The following LTBP1 variants were observed in gnomAD, a reference collection of about 807,000 sequenced individuals.
LTBP1 encodes latent-transforming growth factor beta-binding protein 1.
A neutral mutation model predicts 207.6 loss-of-function variants in LTBP1; 129 were observed. The ratio of observed to expected loss-of-function variants is 0.62; its 90% CI spans 0.54 to 0.72. LTBP1 has a LOEUF of 0.72. LTBP1 is among the 30% of genes least tolerant of loss of function. LTBP1 has a pLI of 0.00. For synonymous variants in LTBP1, 963 were observed against 833.7 expected (o/e 1.16, Z -2.67); for missense variants, 2,281 against 2,217.2 (o/e 1.03, Z -0.58).
intron 32 of LTBP1, among the ~76,000 whole-genome samples, chr2:33,393,908 A>G (rs952824820): frequency 2.0e-5 from 3 of 152,148 alleles, no homozygotes; most frequent in African/African-American, 7.2e-5. Flanking sequence ...AGTCCCACCA[A>G]CAGTGTAAAA....
intron 31 of LTBP1, among the ~76,000 whole-genome samples, chr2:33,385,236 C>T (rs2095255700): frequency 6.6e-6 from 1 of 152,164 alleles, no homozygotes; most frequent in Admixed American, 6.5e-5. Flanking sequence ...GAGCTAGTTT[C>T]CCTCTACCTA....
intron 3 of LTBP1, among the ~76,000 whole-genome samples, chr2:33,025,781 A>G (rs1053764157): frequency 6.6e-6 from 1 of 152,206 alleles, no homozygotes; most frequent in African/African-American, 2.4e-5. Flanking sequence ...AGGTAATAAG[A>G]TTGGCTTGAG....
chr2:33,304,849 G>A (rs1406376725), intron 22 of LTBP1, among the ~76,000 whole-genome samples: 1 of 152,178 alleles, frequency 6.6e-6, no homozygotes, highest in African/African-American at 2.4e-5. Context: ...GGAAAGGTGG[G>A]ATAGTATTTC....
chr2:33,054,044 C>G (rs1435597190), intron 3 of LTBP1, among the ~76,000 whole-genome samples: 1 of 152,188 alleles, frequency 6.6e-6, no homozygotes, highest in Admixed American at 6.5e-5. Context: ...CAAAGAGGAA[C>G]TGGGAGTCAG....
At chr2:32,958,254 C>T (rs192762288) in intron 2 of LTBP1, among the ~76,000 whole-genome samples, 620 of 152,250 alleles carry the variant, frequency 4.1e-3, no homozygotes, top group Non-Finnish European at 6.4e-3. Context: ...GGGCTTGCTA[C>T]GGGGCTGCAT....
In LTBP1 at chr2:32,971,098, G is replaced by A. The variant is rs1680805550; in HGVS notation, c.565+22153G>A. 2.0e-5 allele frequency among the ~76,000 whole-genome samples: 3 copies of A among 151,436 alleles called. No homozygotes were observed. In the South Asian group the frequency reaches 6.3e-4, roughly 32 times the overall value. ...TCTTGATGTGGCGCTCAGCTTGGAT[G>A]TTGTTGGTGTATAGAAATGCTTCTG... On this transcript the variant is annotated intron_variant, in intron 2 of 33. Transcript: ENST00000404816.
chr2:33,160,858 G>C (rs2084402587), intron 5 of LTBP1, among the ~76,000 whole-genome samples: 1 of 152,164 alleles, frequency 6.6e-6, no homozygotes, highest in Non-Finnish European at 1.5e-5. Flanking sequence ...AACTATGATA[G>C]GTTAATAATT....
intron 3 of LTBP1, among the ~76,000 whole-genome samples, chr2:33,070,603 C>G (rs983191297): frequency 6.6e-6 from 1 of 152,236 alleles, no homozygotes. Flanking sequence ...CCCAGAAGCC[C>G]AAGGGCCACA....
Position 33,265,426 on chromosome 2 carries a change from A to G in LTBP1, c.2617+2034A>G, listed in dbSNP as rs1191474849. The stretch of plus-strand genomic sequence containing the variant: ...GGTTACCTATCACAGACAATGTATA[A>G]TACAGAATAAATAGAAATAACTGTA... On this transcript the variant is annotated intron_variant, in intron 15 of 33. Transcript: ENST00000404816. Among the ~76,000 whole-genome samples, 6 of 152,372 alleles carry G rather than the reference A, an allele frequency of 3.9e-5. No homozygotes were observed. In the East Asian group the frequency reaches 1.2e-3, roughly 29 times the overall value.
intron 3 of LTBP1, among the ~76,000 whole-genome samples, chr2:33,092,148 C>T (rs1257093686): frequency 6.6e-6 from 1 of 152,182 alleles, no homozygotes; most frequent in Non-Finnish European, 1.5e-5. Flanking sequence ...CTGCCAAAAA[C>T]ACACCTTGTG....
At chr2:33,288,644 A>C (rs543336148) in intron 19 of LTBP1, among the ~76,000 whole-genome samples, 1 of 152,150 alleles carries the variant, frequency 6.6e-6, no homozygotes, top group South Asian at 2.1e-4. Context: ...TCACAAGGTC[A>C]GGAGATCGAG....
At chr2:33,358,809 AT>A (rs1205507219) in intron 26 of LTBP1, among the ~76,000 whole-genome samples, 1 of 152,162 alleles carries the variant, frequency 6.6e-6, no homozygotes, top group Middle Eastern at 3.2e-3. Context: ...AGATTCTAAA[AT>A]TTTCTATAGG....
intron 3 of LTBP1, chr2:33,056,488 T>C (rs2077005726): frequency 1.8e-5 from 13 of 709,188 alleles, no homozygotes; most frequent in South Asian, 4.7e-5. Flanking sequence ...TGAGGGATGA[T>C]GCGCGTCTTC....
chr2:33,262,148 C>T (rs1373345594), intron 13 of LTBP1, among the ~76,000 whole-genome samples: 3 of 152,226 alleles, frequency 2.0e-5, no homozygotes, highest in African/African-American at 7.2e-5. Flanking sequence ...CAAGCCAGCA[C>T]ATTTCTGTTG....
intron 2 of LTBP1, among the ~76,000 whole-genome samples, chr2:32,994,695 G>A (rs1684980079): frequency 6.6e-6 from 1 of 152,036 alleles, no homozygotes; most frequent in South Asian, 2.1e-4. Flanking sequence ...TCGAACTCCT[G>A]ACCTCAGATG....
At chr2:33,212,223 C>G (rs2090363120) in intron 7 of LTBP1, among the ~76,000 whole-genome samples, 1 of 152,132 alleles carries the variant, frequency 6.6e-6, no homozygotes, top group Non-Finnish European at 1.5e-5. Flanking sequence ...ACTCAGTGTT[C>G]CAGGAATCAT....
chr2:32,979,300 A>T (rs1682386179), intron 2 of LTBP1, among the ~76,000 whole-genome samples: 1 of 151,558 alleles, frequency 6.6e-6, no homozygotes, highest in Non-Finnish European at 1.5e-5. Context: ...TTGTTTATTT[A>T]AAGTTTTTCT....
In LTBP1 at chr2:33,020,950, C is replaced by T. The variant is rs377502460; in HGVS notation, c.607C>T (p.Arg203Trp). 7.0e-5 allele frequency: 112 copies of T among 1,601,704 alleles called. No homozygotes were observed. The highest frequency in any genetic ancestry group is 4.5e-4 in the East Asian group (20 of 44,540). The change falls in exon 3 of 34, where the codon CGG becomes TGG. Residue 203 changes from arginine to tryptophan, a missense_variant. Transcript: ENST00000404816. ...PPCQNGGMCLRPQLCVCKPGT... is the reference protein window; with the variant it reads ...PPCQNGGMCLWPQLCVCKPGT... The stretch of plus-strand genomic sequence containing the variant: ...ATGTCAGAATGGAGGGATGTGTCTC[C>T]GGCCACAACTCTGTGTGTGTAAACC...
chr2:33,078,542 A>G (rs2078206623), intron 3 of LTBP1, among the ~76,000 whole-genome samples: 1 of 152,226 alleles, frequency 6.6e-6, no homozygotes, highest in Non-Finnish European at 1.5e-5. Context: ...ATTATCAGGA[A>G]AAAGTTTGGG....
Sources: gnomAD v4.1 joint callset for allele counts (sites outside exome capture counted in the v4.1 genomes callset) on GRCh38, gnomAD v4.1.1 for gene constraint, MANE v1.5 for transcripts, NCBI Gene and HGNC (gene_info 2026-07-23, HGNC 2026-07-21) for gene names.